Variants in VPS37A observed in about 807,000 individuals in gnomAD.
The protein encoded by VPS37A is VPS37A subunit of ESCRT-I.
VPS37A carries 30 observed loss-of-function variants against 49.8 expected under a neutral mutation model. The ratio of observed to expected loss-of-function variants is 0.60; its 90% CI spans 0.45 to 0.82. VPS37A has a LOEUF of 0.82. Among genes scored for constraint, VPS37A ranks in the 40% least tolerant of loss-of-function variants. VPS37A has a pLI of 0.00. For missense variants in VPS37A, 593 were observed against 464.4 expected (o/e 1.28, Z -2.55); for synonymous variants, 195 against 160.6 (o/e 1.21, Z -1.62).
intron 1 of VPS37A, chr8:17,248,433 C>T (rs575587939): frequency 4.4e-6 from 2 of 452,866 alleles, no homozygotes; most frequent in Non-Finnish European, 8.9e-6. Flanking sequence ...CGCCACCATG[C>T]GCGGCTAATA....
chr8:17,274,945 A>C lies in VPS37A; in HGVS notation c.629A>C (p.Asp210Ala), dbSNP rs1329740091. The change falls in exon 5 of 12, where the codon GAT becomes GCT. Residue 210 changes from aspartate (D) to alanine (A), a missense_variant. Asp to Ala is a moderately radical substitution (Grantham distance 126, BLOSUM62 -2). Coordinates refer to ENST00000324849, the MANE Select transcript of VPS37A (RefSeq NM_152415.3). ...CTGCCATTACCCATTCCCACAGTGG[A>C]TGCTTCAATACCGGTTGGTATCGTC... Reference protein sequence around the residue: ...SNLPLPIPTVDASIPTSQNGF... With the variant: ...SNLPLPIPTVAASIPTSQNGF... 2 of 1,613,954 alleles carry C rather than the reference A, an allele frequency of 1.2e-6. No individual in the cohort carries two copies. The highest frequency in any genetic ancestry group is 2.7e-5 in the African/African-American group (2 of 74,936).
chr8:17,313,273 T>G, the VPS37A span: 1 of 1,571,316 alleles, frequency 6.4e-7, no homozygotes, highest in Non-Finnish European at 8.7e-7. Flanking sequence ...CTTAATTTAT[T>G]TTCTCTGCAA....
chr8:17,309,347 A>AT, the VPS37A span: 1 of 1,516,850 alleles, frequency 6.6e-7, no homozygotes, highest in Non-Finnish European at 9.1e-7. Context: ...AAGAATACAA[A>AT]TATCTTGGAG....
the VPS37A span, chr8:17,311,528 T>G: frequency 6.2e-7 from 1 of 1,613,322 alleles, no homozygotes; most frequent in Non-Finnish European, 8.5e-7. Flanking sequence ...CCCTTCAGAG[T>G]CCGGTAGTGA....
the VPS37A span, chr8:17,309,393 T>C: frequency 9.1e-7 from 1 of 1,097,390 alleles, no homozygotes; most frequent in Non-Finnish European, 1.4e-6. Context: ...ACACAACCAA[T>C]AATGTTGAGG....
chr8:17,289,020 T>C (rs535579486), intron 11 of VPS37A, among the ~76,000 whole-genome samples: 1 of 152,226 alleles, frequency 6.6e-6, no homozygotes, highest in East Asian at 1.9e-4. Context: ...TGTCTTCTTA[T>C]GAAACTGTTC....
At chr8:17,278,933 C>A (rs573093796) in intron 6 of VPS37A, among the ~76,000 whole-genome samples, 6 of 151,954 alleles carry the variant, frequency 3.9e-5, no homozygotes, top group Admixed American at 6.6e-5. Flanking sequence ...AACTAAGATA[C>A]GTTCAGAAAA....
chr8:17,256,451 T>A (rs1017642322), intron 1 of VPS37A, among the ~76,000 whole-genome samples: 1 of 151,634 alleles, frequency 6.6e-6, no homozygotes, highest in Non-Finnish European at 1.5e-5. Context: ...TTTTGAGAAA[T>A]GTTTGTTGAG....
At chr8:17,318,408 G>GA in the VPS37A span, among the ~76,000 whole-genome samples, 1 of 152,080 alleles carries the variant, frequency 6.6e-6, no homozygotes, top group African/African-American at 2.4e-5. Context: ...GCAGGCAGAG[G>GA]AAAAAAGGTA....
chr8:17,258,591 C>A (rs949967653), intron 1 of VPS37A, among the ~76,000 whole-genome samples: 3 of 151,924 alleles, frequency 2.0e-5, no homozygotes, highest in Non-Finnish European at 4.4e-5. Context: ...TAATATTGGC[C>A]TGTAGTTTTC....
rs187023873 is a variant in VPS37A, at chr8:17,255,605, T to A, written c.125+8236T>A. Among the ~76,000 whole-genome samples, 468 of 152,356 alleles carry A rather than the reference T, an allele frequency of 3.1e-3. 2 individuals are homozygous for A. Among genetic ancestry groups the A allele is most frequent in the Middle Eastern group, 6.8e-3 (2 of 294 alleles). On this transcript the variant is annotated intron_variant, in intron 1 of 11. Coordinates refer to ENST00000324849, the MANE Select transcript of VPS37A (RefSeq NM_152415.3). ...AGAAATAGTGCCTCTGTTGCATTTT[T>A]AAATCTTTTAAAATTGATACATGAT... is the stretch of plus-strand genomic sequence containing the variant.
In VPS37A at chr8:17,296,586, A is replaced by G. The variant is rs1215787406; in HGVS notation, c.*1600A>G. ...AAACCAGGTAGGTGTATCCCATAAC[A>G]AGGGAGGAGCATACCACAGCCCCTC... is the stretch of plus-strand genomic sequence containing the variant. On this transcript the variant is annotated 3_prime_UTR_variant, in exon 12 of 12. Transcript: ENST00000324849. 5 of 152,262 alleles carry G rather than the reference A, an allele frequency of 3.3e-5. No individual in the cohort carries two copies. The highest frequency in any genetic ancestry group is 6.8e-3 in the Middle Eastern group (2 of 294). The allele number at this position is 152,262 out of a possible 1,614,324, so 9.4% of individuals were successfully genotyped here.
rs540348874 is a variant in VPS37A, at chr8:17,280,141, T to A, written c.827T>A (p.Ile276Asn). 1.9e-6 allele frequency: 3 copies of A among 1,612,646 alleles called. No homozygotes were observed. The highest frequency in any genetic ancestry group is 2.2e-5 in the South Asian group (2 of 90,854). The change falls in exon 7 of 12, where the codon ATT (isoleucine) becomes AAT (asparagine). Residue 276 changes from isoleucine to asparagine, a missense_variant. By Grantham distance (149) the Ile-to-Asn change is moderately radical. Coordinates refer to ENST00000324849, the MANE Select transcript of VPS37A (RefSeq NM_152415.3). The part of the protein sequence containing the change: ...ITDKDDLVKS[I>N]EELARKNLLL... The stretch of plus-strand genomic sequence containing the variant: ...GACAAAGATGACTTAGTAAAAAGTA[T>A]TGAGGAACTAGCAAGTATGTTTTCC...
chr8:17,315,395 A>G, the VPS37A span, among the ~76,000 whole-genome samples: 1 of 117,398 alleles, frequency 8.5e-6, no homozygotes, highest in South Asian at 3.1e-4. Flanking sequence ...AAACTACGAC[A>G]GTGGTTACAT....
chr8:17,260,469 C>G (rs956966070), intron 1 of VPS37A, among the ~76,000 whole-genome samples: 8 of 152,092 alleles, frequency 5.3e-5, no homozygotes, highest in African/African-American at 1.2e-4. Context: ...GGGCCTCATA[C>G]TGGAATTATA....
At chr8:17,262,503 A>G (rs1813046417) in intron 1 of VPS37A, among the ~76,000 whole-genome samples, 1 of 152,170 alleles carries the variant, frequency 6.6e-6, no homozygotes, top group Non-Finnish European at 1.5e-5. Context: ...AGAAACTAGA[A>G]AATGAAATTA....
At chr8:17,330,032 C>A in the VPS37A span, among the ~76,000 whole-genome samples, 1 of 152,190 alleles carries the variant, frequency 6.6e-6, no homozygotes, top group Non-Finnish European at 1.5e-5. Context: ...TGTCATTCTG[C>A]AGCAGGTAAT....
downstream of VPS37A, chr8:17,302,183 G>A: frequency 6.2e-7 from 1 of 1,614,062 alleles, no homozygotes; most frequent in South Asian, 1.1e-5. Context: ...TCTTCCTCTA[G>A]CTGCTGAGTT....
intron 1 of VPS37A, among the ~76,000 whole-genome samples, chr8:17,259,681 A>G (rs973224456): frequency 7.2e-5 from 11 of 152,082 alleles, no homozygotes; most frequent in African/African-American, 2.4e-4. Context: ...AAAGTCCCCT[A>G]TAGTTAACGT....
Sources: gnomAD v4.1 joint callset for allele counts (sites outside exome capture counted in the v4.1 genomes callset) on GRCh38, gnomAD v4.1.1 for gene constraint, MANE v1.5 for transcripts, NCBI Gene and HGNC (gene_info 2026-07-23, HGNC 2026-07-21) for gene names.